The following DNAJC3 variants were observed in gnomAD, a reference collection of about 807,000 sequenced individuals.
DNAJC3 encodes the protein dnaJ homolog subfamily C member 3.
Under a neutral mutation model 68.6 loss-of-function variants are expected in DNAJC3, and 38 were observed. The ratio of observed to expected loss-of-function variants is 0.55; its 90% CI spans 0.43 to 0.73. The LOEUF (loss-of-function observed/expected upper bound fraction) is 0.73, where lower values mean the gene tolerates loss of function less well. Ranked by LOEUF, DNAJC3 falls within the 30% of genes least tolerant of loss-of-function variation. The pLI is 0.00. For missense variants in DNAJC3, 526 were observed against 591.9 expected, an observed-to-expected ratio of 0.89 and a Z score of 1.16; for synonymous variants, 203 against 204.0, an observed-to-expected ratio of 1.00 and a Z score of 0.04.
chr13:95,761,807 C>T (rs1237017762), intron 7 of DNAJC3, among the ~76,000 whole-genome samples: 1 of 151,666 alleles, frequency 6.6e-6, no homozygotes, highest in Non-Finnish European at 1.5e-5. Context: ...CTATGTTGCC[C>T]ACCTGTTCAC....
rs1052262950 is a variant in DNAJC3 at position 95,793,936 on chromosome 13, A to G, written c.*2906A>G. The G allele has an allele frequency of 6.6e-6, 1 of 152,214 alleles. No homozygotes were observed. Among genetic ancestry groups the G allele is most frequent in the Admixed American group, 6.5e-5 (1 of 15,278 alleles). The allele number at this position is 152,214 out of a possible 1,614,324, so 9.4% of individuals were successfully genotyped here. A position where few individuals can be genotyped will look rare whatever the true frequency, so the allele number is the denominator to read the frequency against. ...CAGGAAGTATTAGACACATCAGTCT[A>G]GAAGCATTGTGAAAAGGTTCCAAAA... On this transcript the variant is annotated 3_prime_UTR_variant, in exon 12 of 12. Coordinates refer to ENST00000602402, the MANE Select transcript of DNAJC3 (RefSeq NM_006260.5).
chr13:95,779,119 C>CTTTTTTTTTTTTTTTTTTTTTTTTTTT, intron 9 of DNAJC3, among the ~76,000 whole-genome samples: 1 of 97,974 alleles, frequency 1.0e-5, no homozygotes, highest in Non-Finnish European at 1.9e-5. Context: ...TTTCTTCTTT[C>CTTTTTTTTTTTTTTTTTTTTTTTTTTT]TTTTTTTTTT....
intron 9 of DNAJC3, among the ~76,000 whole-genome samples, chr13:95,781,420 C>T (rs1053432029): frequency 3.3e-4 from 50 of 152,090 alleles, no homozygotes; most frequent in Admixed American, 3.3e-3. Flanking sequence ...ATAGTGTGTG[C>T]TTGCATTGTG....
intron 4 of DNAJC3, among the ~76,000 whole-genome samples, chr13:95,733,523 C>T (rs976312348): frequency 6.6e-6 from 1 of 152,078 alleles, no homozygotes; most frequent in African/African-American, 2.4e-5. Flanking sequence ...TCCTGAGTAG[C>T]TGGGACTACA....
At chr13:95,710,676 GTTTTGTTTTTGT>G (rs572891053) in intron 2 of DNAJC3, among the ~76,000 whole-genome samples, 15 of 146,178 alleles carry the variant, frequency 1.0e-4, no homozygotes, top group East Asian at 7.8e-4. Context: ...GTTTTGTTTT[GTTTTGTTTTTGT>G]TTTTGTTTTT....
At chr13:95,780,844 G>A (rs1407506678) in intron 9 of DNAJC3, among the ~76,000 whole-genome samples, 2 of 152,152 alleles carry the variant, frequency 1.3e-5, no homozygotes, top group Non-Finnish European at 2.9e-5. Context: ...ATGGTGGCCC[G>A]CGTCACAGTG....
At chr13:95,680,211 C>T (rs1011828500) in intron 1 of DNAJC3, among the ~76,000 whole-genome samples, 1 of 152,170 alleles carries the variant, frequency 6.6e-6, no homozygotes, top group Non-Finnish European at 1.5e-5. Flanking sequence ...AGCCTGGGAA[C>T]GAAACCTTTT....
chr13:95,739,734 C>T (rs2139656826), intron 4 of DNAJC3, among the ~76,000 whole-genome samples: 1 of 151,922 alleles, frequency 6.6e-6, no homozygotes, highest in Non-Finnish European at 1.5e-5. Flanking sequence ...TCAAAGTTTT[C>T]AACCTCTTTG....
At chr13:95,741,511 T>C (rs1593995916) in intron 4 of DNAJC3, among the ~76,000 whole-genome samples, 1 of 152,264 alleles carries the variant, frequency 6.6e-6, no homozygotes, top group African/African-American at 2.4e-5. Context: ...CTGGCATTTA[T>C]GTTAGTGGGT....
At chr13:95,736,297 C>A (rs537083432) in intron 4 of DNAJC3, among the ~76,000 whole-genome samples, 20 of 152,016 alleles carry the variant, frequency 1.3e-4, no homozygotes, top group African/African-American at 4.6e-4. Context: ...TTTGACTTGG[C>A]GATGCGGGCT....
At chr13:95,782,168 G>A (rs1437692177) in intron 9 of DNAJC3, among the ~76,000 whole-genome samples, 5 of 152,128 alleles carry the variant, frequency 3.3e-5, no homozygotes, top group Non-Finnish European at 7.4e-5. Context: ...ATTCCATGGT[G>A]TATATGTGGC....
At chr13:95,747,361 T>C (rs1296088351) in intron 4 of DNAJC3, among the ~76,000 whole-genome samples, 3 of 152,192 alleles carry the variant, frequency 2.0e-5, no homozygotes, top group Non-Finnish European at 4.4e-5. Flanking sequence ...AGGGCATTCC[T>C]AAAGGAGGTT....
chr13:95,698,698 G>A (rs1462379595), intron 1 of DNAJC3, among the ~76,000 whole-genome samples: 2 of 152,240 alleles, frequency 1.3e-5, no homozygotes, highest in African/African-American at 4.8e-5. Flanking sequence ...TGAGGGCAGA[G>A]TCTTGATGGA....
chr13:95,775,451 C>G (rs2139687770), intron 9 of DNAJC3, among the ~76,000 whole-genome samples: 1 of 152,178 alleles, frequency 6.6e-6, no homozygotes, highest in Non-Finnish European at 1.5e-5. Context: ...TGATCTTTTG[C>G]TTATATTTAC....
intron 2 of DNAJC3, among the ~76,000 whole-genome samples, chr13:95,722,812 T>TCCCC (rs1881367824): frequency 1.2e-4 from 2 of 16,838 alleles, no homozygotes; most frequent in Non-Finnish European, 2.0e-4. Flanking sequence ...AGACACCTTG[T>TCCCC]CCGCCCCCCC....
rs1334644131 is a variant in DNAJC3, at chr13:95,677,251, C to G, written c.-5C>G. The G allele has an allele frequency of 6.2e-7, 1 of 1,602,324 alleles. No individual in the cohort carries two copies. Among genetic ancestry groups the G allele is most frequent in the Non-Finnish European group, 8.5e-7 (1 of 1,175,500 alleles). On this transcript the variant is annotated 5_prime_UTR_variant, in exon 1 of 12. Transcript: ENST00000602402. ...TTCCTCCTCTTCACTCGCGAGCCCT[C>G]GGACATGGTGGCCCCCGGCTCCGTG...
At chr13:95,739,575 C>G (rs1882053869) in intron 4 of DNAJC3, among the ~76,000 whole-genome samples, 1 of 152,076 alleles carries the variant, frequency 6.6e-6, no homozygotes, top group Non-Finnish European at 1.5e-5. Flanking sequence ...TCATTCATTT[C>G]ATCTTCCATC....
At chr13:95,742,496 C>G in intron 4 of DNAJC3, 1 of 416,804 alleles carries the variant, frequency 2.4e-6, no homozygotes. Flanking sequence ...GGATCTCCAG[C>G]TAGGATTGGA....
intron 4 of DNAJC3, among the ~76,000 whole-genome samples, chr13:95,751,726 C>T (rs1184377224): frequency 6.6e-6 from 1 of 152,152 alleles, no homozygotes; most frequent in Non-Finnish European, 1.5e-5. Context: ...AGTCTGTTCT[C>T]ATGCTGCTAA....
Sources: allele counts gnomAD v4.1 joint callset (sites outside exome capture counted in the v4.1 genomes callset), GRCh38; gene constraint gnomAD v4.1.1; transcripts MANE v1.5; gene names NCBI Gene and HGNC (gene_info 2026-07-23, HGNC 2026-07-21).